Variants in PIEZO2 observed in about 807,000 individuals in gnomAD.
PIEZO2 encodes the protein piezo-type mechanosensitive ion channel component 2.
A neutral mutation model predicts 337.3 loss-of-function variants in PIEZO2; 172 were observed. The observed-to-expected ratio is 0.51, with a 90% confidence interval of 0.45 to 0.58. The LOEUF is 0.58. Among genes scored for constraint, PIEZO2 ranks in the 20% least tolerant of loss-of-function variants. The probability of loss-of-function intolerance (pLI) is 0.00; values close to 1 mark genes in which losing one functional copy is unlikely to be tolerated. For missense variants in PIEZO2, 3,028 were observed against 3,391.3 expected (o/e 0.89, Z 2.66); for synonymous variants, 1,251 against 1,228.5 (o/e 1.02, Z -0.38).
rs1025329357 is a variant in PIEZO2, at chr18:10,862,961, C to G, written c.493-5750G>C. On this transcript the variant is annotated intron_variant, in intron 5 of 55. Coordinates refer to ENST00000674853, the MANE Select transcript of PIEZO2 (RefSeq NM_001378183.1). This position sits in a 1 kb window ranked among gnomAD's most constrained non-coding sequence, Gnocchi z 4.4. The stretch of plus-strand genomic sequence containing the variant: ...CTTTAGGTTTCAGTCGAGCTTTGGA[C>G]CTCAGAGCAGAGCTTTTCATGCAGC... 1.3e-5 allele frequency among the ~76,000 whole-genome samples: 2 copies of G among 152,148 alleles called. No individual in the cohort carries two copies. Among genetic ancestry groups the G allele is most frequent in the African/African-American group, 4.8e-5 (2 of 41,418 alleles).
intron 2 of PIEZO2, among the ~76,000 whole-genome samples, chr18:11,029,732 A>G (rs2036664068): frequency 6.6e-6 from 1 of 151,922 alleles, no homozygotes; most frequent in African/African-American, 2.4e-5. Context: ...CTCTGCCTTG[A>G]GGACCCCTCT....
chr18:10,911,671 C>T (rs898858741), intron 3 of PIEZO2, among the ~76,000 whole-genome samples: 5 of 152,182 alleles, frequency 3.3e-5, no homozygotes, highest in Non-Finnish European at 7.3e-5. Context: ...AGGAGAATCA[C>T]TTGAACATGG....
At chr18:11,135,815 T>C (rs1425149209) in intron 1 of PIEZO2, among the ~76,000 whole-genome samples, 1 of 152,216 alleles carries the variant, frequency 6.6e-6, no homozygotes, top group Non-Finnish European at 1.5e-5. Context: ...AAAGGTATTT[T>C]AAAAAGAGTT....
At position 10,744,173 on chromosome 18, in the gene PIEZO2, C is replaced by G. The variant is rs2037334124; in HGVS notation, c.4483G>C (p.Glu1495Gln). Residue 1495 changes from glutamate to glutamine, a missense_variant, in exon 31 of 56, where the codon GAG (glutamate) becomes CAG (glutamine). Transcript: ENST00000674853. Reference sequence around the variant, plus strand: ...TTCAGCTGGTCCATGGACTTCTTCTCTTCCTCAATTCTTGCCTTTACAGCT... The same window carrying G: ...TTCAGCTGGTCCATGGACTTCTTCTGTTCCTCAATTCTTGCCTTTACAGCT... ...VKAVKARIEE[E>Q]KKSMDQLKRQ... 4 of 1,536,890 alleles carry G rather than the reference C, an allele frequency of 2.6e-6. No homozygotes were observed. In the African/African-American group the frequency reaches 4.1e-5, roughly 16 times the overall value.
intron 2 of PIEZO2, among the ~76,000 whole-genome samples, chr18:11,053,947 C>T (rs945723391): frequency 2.0e-5 from 3 of 152,246 alleles, no homozygotes; most frequent in Admixed American, 2.0e-4. Flanking sequence ...TCGCTTGCAC[C>T]TGGGAGGTGG....
Position 10,691,368 on chromosome 18 carries a change from G to A in PIEZO2, c.7206C>T (p.Asn2402=). 1.2e-6 allele frequency: 2 copies of A among 1,611,678 alleles called. No homozygotes were observed. The highest frequency in any genetic ancestry group is 1.7e-6 in the Non-Finnish European group (2 of 1,179,134). ...CAAAGTACCAAAGCTGGGCAACCAG[G>A]TTCTGGCTGAATTTCCTAAAATGTA... ...PGVTERKFSQ[N]LVAQLWYFVK... Residue 2402 remains asparagine (N), a synonymous_variant, in exon 48 of 56, where the codon AAC becomes AAT. Transcript: ENST00000674853.
chr18:10,853,498 C>G lies in PIEZO2; in HGVS notation c.917+1855G>C, dbSNP rs895445821. 2.0e-5 allele frequency among the ~76,000 whole-genome samples: 3 copies of G among 152,236 alleles called. No homozygotes were observed. The highest frequency in any genetic ancestry group is 4.4e-5 in the Non-Finnish European group (3 of 68,044). ...AGCAAAAATTGAAATTGCAGCAGAT[C>G]CATGGGAATTCGCTGTCAGTAACAT... On this transcript the variant is annotated intron_variant, in intron 7 of 55. Transcript: ENST00000674853. The surrounding 1 kb of genome is among the most constrained non-coding windows in gnomAD (Gnocchi z 4.2).
chr18:10,881,003 T>C (rs544745841), intron 4 of PIEZO2, among the ~76,000 whole-genome samples: 1 of 150,536 alleles, frequency 6.6e-6, no homozygotes, highest in Non-Finnish European at 1.5e-5. Context: ...TAGAGAAAGG[T>C]TTAGATTACA....
chr18:10,683,232 A>G (rs1363289832), intron 49 of PIEZO2, among the ~76,000 whole-genome samples: 5 of 152,220 alleles, frequency 3.3e-5, no homozygotes, highest in African/African-American at 1.2e-4. Flanking sequence ...ATTTACCCAT[A>G]GGCACTAGCC....
rs539732096 is a variant in PIEZO2, at chr18:10,759,734, C to A, written c.3626G>T (p.Cys1209Phe). The change falls in exon 25 of 56, where the codon TGC becomes TTC. Residue 1209 changes from cysteine (C) to phenylalanine (F), a missense_variant. By Grantham distance (205) the Cys-to-Phe change is radical. This residue lies in a region of PIEZO2 where 1,925 missense variants were observed against 2,051.9 expected (regional missense o/e 0.94). Transcript: ENST00000674853. The surrounding 1 kb of genome is among the most constrained non-coding windows in gnomAD (Gnocchi z 5.5). Reference sequence around the variant, plus strand: ...GCAAGGAGCAGGTGGGATGCCAATGCAGATGAAATACTGGAAGGTGATGAT... The same window carrying A: ...GCAAGGAGCAGGTGGGATGCCAATGAAGATGAAATACTGGAAGGTGATGAT... The part of the protein sequence containing the change: ...ACIITFQYFI[C>F]IGIPPAPCRD... 2 of 1,537,314 alleles carry A rather than the reference C, an allele frequency of 1.3e-6. No individual in the cohort carries two copies. The highest frequency in any genetic ancestry group is 1.7e-6 in the Non-Finnish European group (2 of 1,146,930).
At chr18:10,753,638 G>A (rs2037730201) in intron 27 of PIEZO2, among the ~76,000 whole-genome samples, 2 of 152,164 alleles carry the variant, frequency 1.3e-5, no homozygotes, top group South Asian at 4.1e-4. Context: ...GCGCATTTGG[G>A]AAGAAACATA....
At chr18:10,782,366 A>AATAATTATAATATATTATAATTATATAT (rs1568051170) in intron 17 of PIEZO2, among the ~76,000 whole-genome samples, 23 of 34,964 alleles carry the variant, frequency 6.6e-4, no homozygotes, top group South Asian at 8.7e-4. Flanking sequence ...ATTATATATA[A>AATAATTATAATATATTATAATTATATAT]ATAATTATAA....
intron 1 of PIEZO2, among the ~76,000 whole-genome samples, chr18:11,130,521 A>AT (rs769666736): frequency 2.6e-5 from 4 of 152,248 alleles, no homozygotes; most frequent in Non-Finnish European, 4.4e-5. Context: ...CTTCCACAAG[A>AT]TATCAAACTG....
chr18:10,914,352 T>C (rs1187478638), intron 3 of PIEZO2, among the ~76,000 whole-genome samples: 1 of 152,040 alleles, frequency 6.6e-6, no homozygotes, highest in Non-Finnish European at 1.5e-5. Flanking sequence ...TCCAGTCATC[T>C]CTCAGTATCC....
chr18:11,064,570 T>C (rs2038089303), intron 2 of PIEZO2, among the ~76,000 whole-genome samples: 1 of 152,246 alleles, frequency 6.6e-6, no homozygotes, highest in Non-Finnish European at 1.5e-5. Flanking sequence ...GTGTCAGTCC[T>C]TGGCACATCT....
At chr18:10,737,385 A>C (rs2037050687) in intron 33 of PIEZO2, among the ~76,000 whole-genome samples, 1 of 152,184 alleles carries the variant, frequency 6.6e-6, no homozygotes, top group African/African-American at 2.4e-5. Context: ...TGACAGTAAC[A>C]ACAAAAACAC....
chr18:10,984,907 T>C (rs920486868), intron 2 of PIEZO2, among the ~76,000 whole-genome samples: 3 of 152,116 alleles, frequency 2.0e-5, no homozygotes, highest in Non-Finnish European at 4.4e-5. Context: ...ATCAGAACTC[T>C]TACAGACCAG....
rs766517641 is a variant in PIEZO2, at chr18:10,763,087, G to C, written c.2958C>G (p.Phe986Leu). ...CCCAAGAAATCAAAAATACATAGTT[G>C]AACAGAGACACCTGAAAACGTAAAA... The part of the protein sequence containing the change: ...IWVSVKEVSL[F>L]NYVFLISWAF... Residue 986 changes from phenylalanine (F) to leucine (L), a missense_variant, in exon 22 of 56, where the codon TTC becomes TTG. Transcript: ENST00000674853. 1.3e-6 allele frequency: 2 copies of C among 1,536,746 alleles called. No homozygotes were observed. The highest frequency in any genetic ancestry group is 2.4e-5 in the South Asian group (2 of 83,912).
chr18:11,035,739 A>G lies in PIEZO2; in HGVS notation c.160+30388T>C, dbSNP rs765207749. Among the ~76,000 whole-genome samples the G allele has an allele frequency of 4.6e-5, 7 of 152,224 alleles. No homozygotes were observed. The highest frequency in any genetic ancestry group is 1.0e-4 in the Non-Finnish European group (7 of 68,044). ...TATGATGATGAAATTATTATTCCAC[A>G]AAACTACCTCTGGGAAGATGAGCTA... On this transcript the variant is annotated intron_variant, in intron 2 of 55. Coordinates refer to ENST00000674853, the MANE Select transcript of PIEZO2 (RefSeq NM_001378183.1). This position sits in a 1 kb window ranked among gnomAD's most constrained non-coding sequence, Gnocchi z 4.3.
Sources: allele counts gnomAD v4.1 joint callset (sites outside exome capture counted in the v4.1 genomes callset), GRCh38; gene constraint gnomAD v4.1.1; regional missense constraint gnomAD v4.1.1; non-coding constraint Gnocchi (gnomAD v3.1); transcripts MANE v1.5; gene names NCBI Gene and HGNC (gene_info 2026-07-23, HGNC 2026-07-21).